WDR27: variants seen among roughly 807,000 people sequenced by gnomAD.
The protein encoded by WDR27 is WD repeat domain 27.
Under a neutral mutation model 114.4 loss-of-function variants are expected in WDR27, and 100 were observed. The ratio of observed to expected loss-of-function variants is 0.87; its 90% confidence interval spans 0.74 to 1.03. The LOEUF is 1.03. Among genes scored for constraint, WDR27 ranks in the 50% least tolerant of loss-of-function variants. WDR27 has a pLI of 0.00. For missense variants in WDR27, 1,129 were observed against 1,092.9 expected, an observed-to-expected ratio of 1.03 and a Z score of -0.47; for synonymous variants, 449 against 423.1, an observed-to-expected ratio of 1.06 and a Z score of -0.75.
intron 25 of WDR27, among the ~76,000 whole-genome samples, chr6:169,496,956 G>C (rs1790487777): frequency 6.6e-6 from 1 of 152,064 alleles, no homozygotes; most frequent in Non-Finnish European, 1.5e-5. Context: ...AATTCAAATG[G>C]AGTCTCAAGA....
At chr6:169,676,494 T>C (rs1780101162) in intron 2 of WDR27, among the ~76,000 whole-genome samples, 1 of 152,176 alleles carries the variant, frequency 6.6e-6, no homozygotes. Context: ...GTGGGGAAAA[T>C]CTACATTCTG....
chr6:169,623,734 C>T (rs1471237441), intron 21 of WDR27, among the ~76,000 whole-genome samples: 1 of 152,186 alleles, frequency 6.6e-6, no homozygotes, highest in Non-Finnish European at 1.5e-5. Context: ...CCCATAAGAA[C>T]TGCACATATT....
the WDR27 span, among the ~76,000 whole-genome samples, chr6:169,430,498 C>T: frequency 1.3e-5 from 2 of 152,214 alleles, no homozygotes; most frequent in Non-Finnish European, 2.9e-5. Flanking sequence ...GTCCCTCCTA[C>T]ATCTCCAGCC....
At chr6:169,503,910 C>T (rs1213769353) in intron 25 of WDR27, among the ~76,000 whole-genome samples, 6 of 151,958 alleles carry the variant, frequency 3.9e-5, no homozygotes. Context: ...GAACTTCCAT[C>T]CCTGAAAAGG....
At chr6:169,502,275 C>T (rs1215320157) in intron 25 of WDR27, among the ~76,000 whole-genome samples, 1 of 152,174 alleles carries the variant, frequency 6.6e-6, no homozygotes, top group South Asian at 2.1e-4. Context: ...CTGGACAGGC[C>T]GGACTCACGT....
At chr6:169,628,294 CA>C (rs1449939753) in intron 21 of WDR27, among the ~76,000 whole-genome samples, 1 of 152,166 alleles carries the variant, frequency 6.6e-6, no homozygotes, top group Non-Finnish European at 1.5e-5. Flanking sequence ...GAACTGTGAG[CA>C]AATACATTTC....
At chr6:169,523,062 T>C (rs1307997417) in intron 25 of WDR27, among the ~76,000 whole-genome samples, 4 of 151,252 alleles carry the variant, frequency 2.6e-5, no homozygotes, top group Admixed American at 6.6e-5. Context: ...CTAAGAAAAA[T>C]AGAGAGAGAA....
chr6:169,461,004 TA>T (rs1784841852), intron 25 of WDR27, among the ~76,000 whole-genome samples: 1 of 151,502 alleles, frequency 6.6e-6, no homozygotes, highest in South Asian at 2.1e-4. Flanking sequence ...AAAAAAGCTT[TA>T]AGTCAAAAAG....
the WDR27 span, among the ~76,000 whole-genome samples, chr6:169,434,733 G>T: frequency 6.6e-6 from 1 of 152,146 alleles, no homozygotes; most frequent in African/African-American, 2.4e-5. Flanking sequence ...TGCTGTTAAA[G>T]GCATTCAGCT....
chr6:169,675,533 G>GT (rs1167166354), intron 2 of WDR27, among the ~76,000 whole-genome samples: 1 of 152,210 alleles, frequency 6.6e-6, no homozygotes, highest in East Asian at 1.9e-4. Flanking sequence ...ACCCAAGGTG[G>GT]TTGGGGTACA....
At chr6:169,576,815 G>T (rs914180062) in intron 24 of WDR27, among the ~76,000 whole-genome samples, 14 of 150,896 alleles carry the variant, frequency 9.3e-5, no homozygotes, top group Non-Finnish European at 1.6e-4. Flanking sequence ...GAAAAGGAAA[G>T]AAATTATTTT....
chr6:169,469,946 C>G (rs548780817), intron 25 of WDR27, among the ~76,000 whole-genome samples: 80 of 152,328 alleles, frequency 5.3e-4, no homozygotes, highest in African/African-American at 1.9e-3. Flanking sequence ...TTTTGCCATA[C>G]TGATAGGCTA....
intron 25 of WDR27, chr6:169,559,611 T>C (rs1485568392): frequency 1.3e-5 from 2 of 152,204 alleles, no homozygotes; most frequent in Non-Finnish European, 2.9e-5. Flanking sequence ...AGTCAATAAA[T>C]TTGAGAAGGA....
chr6:169,638,474 G>T, intron 18 of WDR27, 65 bp downstream of exon 18: 1 of 1,574,322 alleles, frequency 6.4e-7, no homozygotes, highest in South Asian at 1.2e-5. Context: ...AAAAGAATGA[G>T]ACTTTTGAGA....
intron 1 of WDR27, among the ~76,000 whole-genome samples, chr6:169,690,883 G>A (rs1040202336): frequency 2.0e-5 from 3 of 152,134 alleles, no homozygotes; most frequent in African/African-American, 7.2e-5. Context: ...GAGAAGTGAA[G>A]CAAAGGAGAA....
chr6:169,511,956 A>G (rs1792954925), intron 25 of WDR27, among the ~76,000 whole-genome samples: 1 of 152,230 alleles, frequency 6.6e-6, no homozygotes, highest in Non-Finnish European at 1.5e-5. Context: ...CAAGGGTCTC[A>G]GTAAGGACTT....
intron 19 of WDR27, among the ~76,000 whole-genome samples, chr6:169,634,959 G>A (rs1190789879): frequency 6.6e-6 from 1 of 152,218 alleles, no homozygotes; most frequent in Non-Finnish European, 1.5e-5. Flanking sequence ...AGATCAGAAA[G>A]AGGAGGCAGG....
At chr6:169,513,062 G>A (rs1793116783) in intron 25 of WDR27, among the ~76,000 whole-genome samples, 2 of 152,180 alleles carry the variant, frequency 1.3e-5, no homozygotes, top group African/African-American at 4.8e-5. Context: ...AAACTTAGTG[G>A]TTTAAAATAA....
At chr6:169,697,395 G>C (rs1786434422) in intron 1 of WDR27, among the ~76,000 whole-genome samples, 1 of 152,094 alleles carries the variant, frequency 6.6e-6, no homozygotes, top group Admixed American at 6.5e-5. Context: ...CAGTGTCAAG[G>C]AAAAACACCT....
Sources: allele counts gnomAD v4.1 joint callset (sites outside exome capture counted in the v4.1 genomes callset), GRCh38; gene constraint gnomAD v4.1.1; transcripts MANE v1.5; gene names NCBI Gene and HGNC (gene_info 2026-07-23, HGNC 2026-07-21).